Variants in BANK1 observed in about 807,000 individuals in gnomAD.
The protein encoded by BANK1 is B cell scaffold protein with ankyrin repeats 1.
In BANK1, 95 loss-of-function variants were observed where a neutral mutation model predicts 94.5. The ratio of observed to expected loss-of-function variants is 1.00; its 90% CI spans 0.85 to 1.19. The LOEUF is 1.19. Ranked by LOEUF, BANK1 falls within the 50% of genes most tolerant of loss-of-function variation. BANK1 has a pLI of 0.00. For missense variants in BANK1, 987 were observed against 932.2 expected (o/e 1.06, Z -0.77); for synonymous variants, 334 against 308.4 (o/e 1.08, Z -0.87).
chr4:102,071,441 A>C, intron 14 of BANK1, 137 bp downstream of exon 14: 1 of 842,364 alleles, frequency 1.2e-6, no homozygotes, highest in Non-Finnish European at 1.9e-6. Flanking sequence ...TTATATGCAA[A>C]ACAACTTGAC....
chr4:101,862,785 T>C (rs1727929490), intron 4 of BANK1, 121 bp downstream of exon 4: 2 of 1,096,340 alleles, frequency 1.8e-6, no homozygotes, highest in Non-Finnish European at 2.4e-6. Context: ...GTTTCCTGTG[T>C]TTAGTTTTCA....
At position 102,034,251 on chromosome 4, in the gene BANK1, C is replaced by T. The variant is rs76064344; in HGVS notation, c.1900+3986C>T. On this transcript the variant is annotated intron_variant, in intron 10 of 16. Coordinates refer to ENST00000322953, the MANE Select transcript of BANK1 (RefSeq NM_017935.5). The stretch of plus-strand genomic sequence containing the variant: ...AAAATACAGGAATGCAGAATCCCAT[C>T]TTACTATTTCAGAAACTGAAGAAGT... Among the ~76,000 whole-genome samples, 1,207 of 152,236 alleles carry T rather than the reference C, an allele frequency of 7.9e-3. 17 individuals carry two copies. Among genetic ancestry groups the T allele is most frequent in the African/African-American group, 0.028 (1,147 of 41,530 alleles).
chr4:102,060,352 G>T lies in BANK1; in HGVS notation c.2111G>T (p.Trp704Leu), dbSNP rs376148300. Residue 704 changes from tryptophan (W) to leucine (L), a missense_variant, in exon 12 of 17, where the codon TGG (tryptophan) becomes TTG (leucine). Coordinates refer to ENST00000322953, the MANE Select transcript of BANK1 (RefSeq NM_017935.5). ...GAAGCTCTGGAGAAATTTAAACACT[G>T]GCAGATGGGAAAAAGTGGCCTGGAA... ...MDEALEKFKHWQMGKSGLEMI... is the reference protein window; with the variant it reads ...MDEALEKFKHLQMGKSGLEMI... 40 of 1,609,598 alleles carry T rather than the reference G, an allele frequency of 2.5e-5. No individual in the cohort carries two copies. The highest frequency in any genetic ancestry group is 3.4e-5 in the Non-Finnish European group (40 of 1,178,500).
intron 7 of BANK1, among the ~76,000 whole-genome samples, chr4:101,944,805 T>C (rs575325247): frequency 6.6e-6 from 1 of 152,116 alleles, no homozygotes; most frequent in South Asian, 2.1e-4. Flanking sequence ...TGCAGTTGTG[T>C]GACCCTATGG....
chr4:102,030,395 A>G, intron 10 of BANK1, 130 bp downstream of exon 10: 2 of 910,832 alleles, frequency 2.2e-6, no homozygotes, highest in Non-Finnish European at 1.6e-6. Flanking sequence ...TTCAAGTCAC[A>G]GCTAAGCTAT....
At chr4:101,829,500 TCTATGTCTAATCTA>T (rs1208518341) in intron 1 of BANK1, among the ~76,000 whole-genome samples, 1 of 152,000 alleles carries the variant, frequency 6.6e-6, no homozygotes, top group Admixed American at 6.5e-5. Flanking sequence ...TATAACATTA[TCTATGTCTAATCTA>T]CTTATTTCTT....
intron 1 of BANK1, among the ~76,000 whole-genome samples, chr4:101,809,203 C>T (rs1033336663): frequency 4.6e-5 from 7 of 152,206 alleles, no homozygotes; most frequent in South Asian, 2.1e-4. Flanking sequence ...CCAGCAAACT[C>T]GATGGAGCTG....
At chr4:101,959,962 G>A (rs561152228) in intron 7 of BANK1, among the ~76,000 whole-genome samples, 18 of 152,216 alleles carry the variant, frequency 1.2e-4, no homozygotes, top group Admixed American at 7.8e-4. Context: ...ATCCTCAAGC[G>A]TCAGGATTCT....
chr4:101,817,627 C>T (rs758641270), intron 1 of BANK1, among the ~76,000 whole-genome samples: 3 of 152,122 alleles, frequency 2.0e-5, no homozygotes, highest in Non-Finnish European at 4.4e-5. Context: ...AGCAAACCAT[C>T]ATGGCACACG....
intron 6 of BANK1, among the ~76,000 whole-genome samples, chr4:101,907,184 T>A (rs1722484466): frequency 6.6e-6 from 1 of 152,120 alleles, no homozygotes; most frequent in Non-Finnish European, 1.5e-5. Flanking sequence ...TAAGAATGCC[T>A]TTATCAAAAA....
chr4:101,939,707 T>G (rs1487209700), intron 7 of BANK1, among the ~76,000 whole-genome samples: 1 of 151,648 alleles, frequency 6.6e-6, no homozygotes, highest in Non-Finnish European at 1.5e-5. Flanking sequence ...TAAGGAATAT[T>G]TGATGAGAAC....
chr4:101,864,024 A>G (rs1727978056), intron 4 of BANK1, among the ~76,000 whole-genome samples: 1 of 152,192 alleles, frequency 6.6e-6, no homozygotes, highest in African/African-American at 2.4e-5. Flanking sequence ...AGTTCAAATT[A>G]ATTATAAGAA....
At chr4:101,916,243 T>C (rs918881219) in intron 6 of BANK1, among the ~76,000 whole-genome samples, 2 of 152,066 alleles carry the variant, frequency 1.3e-5, no homozygotes, top group African/African-American at 4.8e-5. Flanking sequence ...ACCACAGATT[T>C]AGTGGCTGAG....
chr4:101,936,304 T>C (rs1286346499), intron 7 of BANK1, among the ~76,000 whole-genome samples: 1 of 150,384 alleles, frequency 6.6e-6, no homozygotes, highest in Non-Finnish European at 1.5e-5. Flanking sequence ...CACACATACA[T>C]GCATATGTAC....
intron 5 of BANK1, among the ~76,000 whole-genome samples, chr4:101,883,855 C>T (rs2148886558): frequency 6.6e-6 from 1 of 152,304 alleles, no homozygotes; most frequent in South Asian, 2.1e-4. Flanking sequence ...CGATCTGCTT[C>T]TGATAGGAAC....
Position 101,918,080 on chromosome 4 carries a change from C to T in BANK1, c.1097C>T (p.Ser366Leu), listed in dbSNP as rs145346276. 1.2e-6 allele frequency: 2 copies of T among 1,611,886 alleles called. No individual in the cohort carries two copies. Among genetic ancestry groups the T allele is most frequent in the African/African-American group, 1.3e-5 (1 of 74,818 alleles). Reference protein sequence around the residue: ...KNLAIHLLQCSGATWASKMKN... With the variant: ...KNLAIHLLQCLGATWASKMKN... ...CTGGCTATTCATTTGCTTCAATGTT[C>T]AGGAGCAACCTGGGCATCTAAGATG... The change falls in exon 7 of 17, where the codon TCA (serine) becomes TTA (leucine). Residue 366 changes from serine to leucine, a missense_variant. Coordinates refer to ENST00000322953, the MANE Select transcript of BANK1 (RefSeq NM_017935.5).
intron 1 of BANK1, among the ~76,000 whole-genome samples, chr4:101,800,175 A>C (rs979193482): frequency 6.6e-6 from 1 of 151,574 alleles, no homozygotes; most frequent in African/African-American, 2.4e-5. Flanking sequence ...AGATATATCT[A>C]ATGTAAATGA....
At chr4:101,949,541 A>C (rs1431123370) in intron 7 of BANK1, among the ~76,000 whole-genome samples, 1 of 152,140 alleles carries the variant, frequency 6.6e-6, no homozygotes, top group Non-Finnish European at 1.5e-5. Context: ...TATTACGTAA[A>C]GCTCTTAGTA....
At chr4:101,926,054 C>T (rs1723141524) in intron 7 of BANK1, among the ~76,000 whole-genome samples, 1 of 151,672 alleles carries the variant, frequency 6.6e-6, no homozygotes, top group Non-Finnish European at 1.5e-5. Flanking sequence ...AATTCTTCTC[C>T]ATTAACTGGC....
Sources: gnomAD v4.1 joint callset for allele counts (sites outside exome capture counted in the v4.1 genomes callset) on GRCh38, gnomAD v4.1.1 for gene constraint, MANE v1.5 for transcripts, NCBI Gene and HGNC (gene_info 2026-07-23, HGNC 2026-07-21) for gene names.